MOB3B: variants seen among roughly 807,000 people sequenced by gnomAD.
The protein encoded by MOB3B is MOB kinase activator-like 2B.
A neutral mutation model predicts 18.7 loss-of-function variants in MOB3B; 7 were observed. That is an observed-to-expected ratio of 0.37 (90% CI 0.21 to 0.70). The LOEUF (loss-of-function observed/expected upper bound fraction) is 0.70, where lower values mean the gene tolerates loss of function less well. Ranked by LOEUF, MOB3B falls within the 30% of genes least tolerant of loss-of-function variation. The pLI is 0.52. For synonymous variants in MOB3B, 111 were observed against 99.9 expected (o/e 1.11, Z -0.66); for missense variants, 253 against 281.3 (o/e 0.90, Z 0.72).
At chr9:27,512,730 C>A (rs903119102) in intron 1 of MOB3B, among the ~76,000 whole-genome samples, 4 of 152,142 alleles carry the variant, frequency 2.6e-5, no homozygotes, top group African/African-American at 9.7e-5. Context: ...ATTGTCAGCT[C>A]TAGGCTCTCA....
chr9:27,372,487 T>C (rs998334629), intron 2 of MOB3B, among the ~76,000 whole-genome samples: 23 of 151,980 alleles, frequency 1.5e-4, no homozygotes, highest in African/African-American at 5.3e-4. Context: ...TTCCAAAGAG[T>C]ACAGTATAGG....
At chr9:27,480,098 T>C (rs1459866906) in intron 1 of MOB3B, among the ~76,000 whole-genome samples, 3 of 150,202 alleles carry the variant, frequency 2.0e-5, no homozygotes, top group African/African-American at 7.3e-5. Context: ...ATATTATTCA[T>C]ATAATATTTT....
chr9:27,459,685 T>C (rs1352317787), intron 1 of MOB3B, among the ~76,000 whole-genome samples: 1 of 151,920 alleles, frequency 6.6e-6, no homozygotes, highest in Non-Finnish European at 1.5e-5. Flanking sequence ...AATGACCAGG[T>C]CTTTTGATCT....
chr9:27,347,096 A>C (rs1821039637), intron 3 of MOB3B, among the ~76,000 whole-genome samples: 1 of 152,232 alleles, frequency 6.6e-6, no homozygotes, highest in African/African-American at 2.4e-5. Context: ...ACATGCCAGA[A>C]CTGGAGGGAA....
chr9:27,381,843 G>T (rs535139954), intron 2 of MOB3B, among the ~76,000 whole-genome samples: 7 of 152,020 alleles, frequency 4.6e-5, no homozygotes, highest in African/African-American at 1.7e-4. Flanking sequence ...ATGACGTCTC[G>T]CTATGTTGCC....
At chr9:27,333,508 T>C (rs1402558856) in intron 3 of MOB3B, among the ~76,000 whole-genome samples, 1 of 152,150 alleles carries the variant, frequency 6.6e-6, no homozygotes, top group Admixed American at 6.5e-5. Flanking sequence ...CTCTTTACAA[T>C]GAATTTGCCA....
chr9:27,482,180 G>A (rs889932606), intron 1 of MOB3B, among the ~76,000 whole-genome samples: 6 of 152,300 alleles, frequency 3.9e-5, no homozygotes, highest in African/African-American at 1.4e-4. Flanking sequence ...TCCCCACCCT[G>A]TAATTTCCGC....
intron 1 of MOB3B, among the ~76,000 whole-genome samples, chr9:27,518,364 G>A (rs1029494311): frequency 1.2e-4 from 18 of 152,180 alleles, no homozygotes; most frequent in African/African-American, 4.1e-4. Flanking sequence ...GGATTATTCT[G>A]GTAGGTGACA....
intron 2 of MOB3B, among the ~76,000 whole-genome samples, chr9:27,366,940 G>GAA (rs1471612643): frequency 6.6e-6 from 1 of 152,182 alleles, no homozygotes; most frequent in Non-Finnish European, 1.5e-5. Context: ...TTCTGCTCCT[G>GAA]AAATTTTCCT....
At chr9:27,400,606 C>T (rs1821864016) in intron 2 of MOB3B, among the ~76,000 whole-genome samples, 1 of 152,212 alleles carries the variant, frequency 6.6e-6, no homozygotes, top group Non-Finnish European at 1.5e-5. Flanking sequence ...GTAGTTCCTA[C>T]ATTATGTGGT....
At position 27,358,848 on chromosome 9, in the gene MOB3B, T is replaced by C. The variant is rs781654176; in HGVS notation, c.621+186A>G. 3 of 764,194 alleles carry C rather than the reference T, an allele frequency of 3.9e-6. No homozygotes were observed. In the East Asian group the frequency reaches 7.4e-5, roughly 19 times the overall value. The allele number at this position is 764,194 out of a possible 1,614,324, so 47.3% of individuals were successfully genotyped here. A position where few individuals can be genotyped will look rare whatever the true frequency, so the allele number is the denominator to read the frequency against. On this transcript the variant is annotated intron_variant, in intron 3 of 3. Coordinates refer to ENST00000262244, the MANE Select transcript of MOB3B (RefSeq NM_024761.5). Reference sequence around the variant, plus strand: ...CTTGGAGGGTAATCTCGGACACTTATTTGGTGACAGTGGACATCTTGGCAT... The same window carrying C: ...CTTGGAGGGTAATCTCGGACACTTACTTGGTGACAGTGGACATCTTGGCAT...
intron 3 of MOB3B, among the ~76,000 whole-genome samples, chr9:27,357,669 G>A (rs566560048): frequency 1.3e-4 from 19 of 151,928 alleles, no homozygotes; most frequent in South Asian, 1.0e-3. Flanking sequence ...CTCTTGTGGC[G>A]TGGCATGGCT....
intron 3 of MOB3B, among the ~76,000 whole-genome samples, chr9:27,335,140 G>A (rs1820845380): frequency 6.6e-6 from 1 of 152,206 alleles, no homozygotes; most frequent in Admixed American, 6.5e-5. Flanking sequence ...ATATGAAGAA[G>A]AACACTTGAT....
intron 2 of MOB3B, among the ~76,000 whole-genome samples, chr9:27,375,708 C>T (rs1005368683): frequency 2.0e-5 from 3 of 152,144 alleles, no homozygotes; most frequent in African/African-American, 7.2e-5. Flanking sequence ...GAAGAACCAC[C>T]TTGCAGAGCA....
intron 2 of MOB3B, among the ~76,000 whole-genome samples, chr9:27,395,853 GAT>G (rs1302411939): frequency 6.6e-6 from 1 of 152,184 alleles, no homozygotes; most frequent in Admixed American, 6.5e-5. Context: ...ACACAATGGA[GAT>G]AACAATAGGA....
intron 2 of MOB3B, among the ~76,000 whole-genome samples, chr9:27,426,591 A>G (rs899876286): frequency 6.6e-6 from 1 of 152,186 alleles, no homozygotes; most frequent in Non-Finnish European, 1.5e-5. Flanking sequence ...TGCCTGTCAG[A>G]GCTCTACCTC....
At chr9:27,440,730 A>AT (rs34038356) in intron 2 of MOB3B, among the ~76,000 whole-genome samples, 30,671 of 150,916 alleles carry the variant, frequency 0.2, 3,945 homozygotes, top group African/African-American at 0.36. Flanking sequence ...CAGAAGATTC[A>AT]TTTTTTTTTT....
At chr9:27,358,167 C>A (rs747052425) in intron 3 of MOB3B, among the ~76,000 whole-genome samples, 6 of 152,108 alleles carry the variant, frequency 3.9e-5, no homozygotes, top group Non-Finnish European at 7.4e-5. Flanking sequence ...GTACTCTGGT[C>A]ATTCAAATGA....
chr9:27,499,629 C>A (rs2492812), intron 1 of MOB3B, among the ~76,000 whole-genome samples: 37,518 of 152,010 alleles, frequency 0.25, 4,813 homozygotes, highest in East Asian at 0.33. Context: ...TTTACTAATT[C>A]GCTTTCCACA....
Sources: allele counts gnomAD v4.1 joint callset (sites outside exome capture counted in the v4.1 genomes callset), GRCh38; gene constraint gnomAD v4.1.1; transcripts MANE v1.5; gene names NCBI Gene and HGNC (gene_info 2026-07-23, HGNC 2026-07-21).